Variants in SPTLC3 observed in about 807,000 individuals in gnomAD.
SPTLC3 encodes serine palmitoyltransferase 3.
In SPTLC3, 36 loss-of-function variants were observed where a neutral mutation model predicts 59.3. That is an observed-to-expected ratio of 0.61 (90% CI 0.47 to 0.80). The LOEUF (loss-of-function observed/expected upper bound fraction) is 0.80, where lower values mean the gene tolerates loss of function less well. SPTLC3 is among the 30% of genes least tolerant of loss of function. SPTLC3 has a pLI of 0.00. For synonymous variants in SPTLC3, 257 were observed against 240.8 expected, an observed-to-expected ratio of 1.07 and a Z score of -0.62; for missense variants, 625 against 685.1, an observed-to-expected ratio of 0.91 and a Z score of 0.98.
At chr20:13,011,357 A>C (rs1363485755) in intron 1 of SPTLC3, among the ~76,000 whole-genome samples, 2 of 152,170 alleles carry the variant, frequency 1.3e-5, no homozygotes, top group African/African-American at 4.8e-5. Flanking sequence ...TGGTCTCCCA[A>C]ACACGTTCTG....
At chr20:13,028,017 C>A (rs1472148496) in intron 1 of SPTLC3, among the ~76,000 whole-genome samples, 1 of 152,176 alleles carries the variant, frequency 6.6e-6, no homozygotes, top group Non-Finnish European at 1.5e-5. Flanking sequence ...CTAGACCCAG[C>A]AAGGGCACAC....
chr20:13,144,750 A>G lies in SPTLC3; in HGVS notation c.1280-9253A>G, dbSNP rs542753022. On this transcript the variant is annotated intron_variant, in intron 9 of 11. Coordinates refer to ENST00000399002, the MANE Select transcript of SPTLC3 (RefSeq NM_018327.4). ...GCAGAATGTCTGCAGAGGGAGGTCT[A>G]CTATGTGTGTGTGTGTGTATATATA... Among the ~76,000 whole-genome samples, 6 of 75,568 alleles carry G rather than the reference A, an allele frequency of 7.9e-5. No homozygotes were observed. In the South Asian group the frequency reaches 3.2e-3, roughly 40 times the overall value. The allele number at this position is 75,568 out of a possible 152,430, so 49.6% of individuals were successfully genotyped here.
chr20:13,009,299 A>G lies in SPTLC3; in HGVS notation c.32A>G (p.Asn11Ser), dbSNP rs1985102035. 1.2e-6 allele frequency: 2 copies of G among 1,614,132 alleles called. No homozygotes were observed. The highest frequency in any genetic ancestry group is 2.7e-5 in the African/African-American group (2 of 75,044). MANPGGGAVC[N>S]GKLHNHKKQS... is the part of the protein sequence containing the mutation. ...AACCCTGGAGGTGGTGCTGTTTGCA[A>G]CGGGAAACTTCACAATCACAAGAAA... Residue 11 changes from asparagine to serine, a missense_variant, in exon 1 of 12, where the codon AAC (asparagine) becomes AGC (serine). Physicochemically the swap from Asn to Ser is conservative, Grantham distance 46. Coordinates refer to ENST00000399002, the MANE Select transcript of SPTLC3 (RefSeq NM_018327.4).
intron 9 of SPTLC3, among the ~76,000 whole-genome samples, chr20:13,149,139 A>G (rs570716555): frequency 1.8e-4 from 28 of 152,312 alleles, no homozygotes; most frequent in African/African-American, 6.7e-4. Flanking sequence ...AACTCTCCAG[A>G]GGGCTACATA....
intron 4 of SPTLC3, among the ~76,000 whole-genome samples, chr20:13,077,129 A>C (rs1988675626): frequency 6.6e-6 from 1 of 152,172 alleles, no homozygotes. Flanking sequence ...AAGAACAAAA[A>C]AATGATATGG....
intron 6 of SPTLC3, among the ~76,000 whole-genome samples, chr20:13,101,543 T>C (rs1259946497): frequency 1.3e-5 from 2 of 152,200 alleles, no homozygotes; most frequent in East Asian, 1.9e-4. Flanking sequence ...TTCAGGGACA[T>C]AGCCAACCCT....
intron 6 of SPTLC3, among the ~76,000 whole-genome samples, chr20:13,107,374 G>C (rs1989962750): frequency 6.6e-6 from 1 of 152,208 alleles, no homozygotes; most frequent in African/African-American, 2.4e-5. Flanking sequence ...ACTAGAAATA[G>C]TGGGAAAAGG....
At chr20:13,054,423 C>T (rs574279287) in intron 2 of SPTLC3, among the ~76,000 whole-genome samples, 113 of 152,154 alleles carry the variant, frequency 7.4e-4, no homozygotes, top group African/African-American at 2.5e-3. Flanking sequence ...TCAAAAAAGA[C>T]ATTAAGAGGT....
chr20:13,159,599 ATTCT>A (rs1158198339), intron 10 of SPTLC3, among the ~76,000 whole-genome samples: 3 of 152,144 alleles, frequency 2.0e-5, no homozygotes, highest in African/African-American at 7.2e-5. Flanking sequence ...ATTAATATAG[ATTCT>A]TTCTTTATGG....
intron 6 of SPTLC3, among the ~76,000 whole-genome samples, chr20:13,108,521 G>C (rs1990036554): frequency 6.6e-6 from 1 of 152,170 alleles, no homozygotes; most frequent in Non-Finnish European, 1.5e-5. Flanking sequence ...TACGCTTCTT[G>C]AGAGCTTTGT....
rs756871111 is a variant in SPTLC3, at chr20:13,093,482, A to C, written c.733-2A>C. The C allele has an allele frequency of 1.2e-6, 2 of 1,612,892 alleles. No homozygotes were observed. The highest frequency in any genetic ancestry group is 2.2e-5 in the South Asian group (2 of 90,938). On this transcript the variant is annotated splice_acceptor_variant, in intron 5 of 11. Coordinates refer to ENST00000399002, the MANE Select transcript of SPTLC3 (RefSeq NM_018327.4). LOFTEE classifies it high-confidence loss of function. The stretch of plus-strand genomic sequence containing the variant: ...TGTTTTGTGTGCTTGTTTTCTGCAC[A>C]GGGATGCCTCATTTTAAGTGATGAG...
intron 9 of SPTLC3, among the ~76,000 whole-genome samples, chr20:13,150,764 A>G (rs962067127): frequency 1.1e-4 from 17 of 152,110 alleles, no homozygotes; most frequent in Non-Finnish European, 1.9e-4. Flanking sequence ...CTTCAACCAC[A>G]TCTTGCCTTG....
At chr20:13,056,592 G>T (rs1168035038) in intron 2 of SPTLC3, among the ~76,000 whole-genome samples, 1 of 151,894 alleles carries the variant, frequency 6.6e-6, no homozygotes, top group Admixed American at 6.6e-5. Flanking sequence ...GGGACCACAG[G>T]CATGTGCCAC....
rs905930737 is a variant in SPTLC3, at chr20:13,136,617, A to ATG, written c.1279+9901_1279+9902insGT. ...CTCATCTAAAAACATATATATATAT[A>ATG]TAATATACATATAAAAATTATATAC... On this transcript the variant is annotated intron_variant, in intron 9 of 11. Transcript: ENST00000399002. Among the ~76,000 whole-genome samples the ATG allele has an allele frequency of 3.1e-4, 43 of 139,774 alleles. No homozygotes were observed. In the East Asian group the frequency reaches 6.6e-3, roughly 22 times the overall value. The allele number at this position is 139,774 out of a possible 152,430, so 91.7% of individuals were successfully genotyped here. A position where few individuals can be genotyped will look rare whatever the true frequency, so the allele number is the denominator to read the frequency against.
At chr20:13,079,900 C>G (rs1197962080) in intron 4 of SPTLC3, 3 of 370,728 alleles carry the variant, frequency 8.1e-6, no homozygotes, top group Non-Finnish European at 1.7e-5. Context: ...CAACCACCTG[C>G]CACAGCTGTT....
chr20:13,147,124 A>T (rs978512065), intron 9 of SPTLC3, among the ~76,000 whole-genome samples: 4 of 152,126 alleles, frequency 2.6e-5, no homozygotes, highest in African/African-American at 9.7e-5. Context: ...CCCACCCCTG[A>T]TGTCCAGCCT....
At chr20:13,071,478 T>G (rs1988433190) in intron 2 of SPTLC3, among the ~76,000 whole-genome samples, 1 of 152,224 alleles carries the variant, frequency 6.6e-6, no homozygotes, top group South Asian at 2.1e-4. Flanking sequence ...GTTAGTTCTA[T>G]TTAGAACTAA....
chr20:13,123,329 TA>T lies in SPTLC3; in HGVS notation c.1153-3249del, dbSNP rs763279770. 2.8e-3 allele frequency among the ~76,000 whole-genome samples: 408 copies of T among 143,384 alleles called. 1 individual carries two copies. The highest frequency in any genetic ancestry group is 3.8e-3 in the Non-Finnish European group (245 of 64,926). The allele number at this position is 143,384 out of a possible 152,430, so 94.1% of individuals were successfully genotyped here. A position where few individuals can be genotyped will look rare whatever the true frequency, so the allele number is the denominator to read the frequency against. On this transcript the variant is annotated intron_variant, in intron 8 of 11. Coordinates refer to ENST00000399002, the MANE Select transcript of SPTLC3 (RefSeq NM_018327.4). ...CTGGCCGACAGAGCAAGACTCTGTC[TA>T]AAAAAAAAAAAAGTCACCAACTGCA...
rs187998859 is a variant in SPTLC3, at chr20:13,093,293, C to A, written c.733-191C>A. Reference sequence around the variant, plus strand: ...AACATGTAATCTCTTAAAACAATTCCCATCTCCATCAGCTAACTGCTATAC... The same window carrying A: ...AACATGTAATCTCTTAAAACAATTCACATCTCCATCAGCTAACTGCTATAC... On this transcript the variant is annotated intron_variant, in intron 5 of 11. Transcript: ENST00000399002. Among the ~76,000 whole-genome samples, 470 of 152,250 alleles carry A rather than the reference C, an allele frequency of 3.1e-3. 14 individuals are homozygous for A. The highest frequency in any genetic ancestry group is 0.026 in the Admixed American group (397 of 15,280).
Sources: allele counts gnomAD v4.1 joint callset (sites outside exome capture counted in the v4.1 genomes callset), GRCh38; gene constraint gnomAD v4.1.1; transcripts MANE v1.5; gene names NCBI Gene and HGNC (gene_info 2026-07-23, HGNC 2026-07-21).